RBMS3: variants seen among roughly 807,000 people sequenced by gnomAD.
The protein encoded by RBMS3 is RNA-binding motif, single-stranded-interacting protein 3.
Under a neutral mutation model 66.8 loss-of-function variants are expected in RBMS3, and 27 were observed. The ratio of observed to expected loss-of-function variants is 0.40; its 90% confidence interval spans 0.30 to 0.56. The LOEUF is 0.56. Ranked by LOEUF, RBMS3 falls within the 20% of genes least tolerant of loss-of-function variation. The probability of loss-of-function intolerance (pLI) is 0.40; values close to 1 mark genes in which losing one functional copy is unlikely to be tolerated. For missense variants in RBMS3, 513 were observed against 549.5 expected (o/e 0.93, Z 0.66); for synonymous variants, 188 against 183.0 (o/e 1.03, Z -0.22).
intron 7 of RBMS3, among the ~76,000 whole-genome samples, chr3:29,872,200 T>G (rs1006559008): frequency 2.6e-5 from 4 of 152,074 alleles, no homozygotes; most frequent in Non-Finnish European, 1.5e-5. Context: ...CTCTTAAAAA[T>G]TATTACTTAC....
chr3:29,568,086 T>G (rs1175760854), intron 3 of RBMS3, among the ~76,000 whole-genome samples: 1 of 152,196 alleles, frequency 6.6e-6, no homozygotes, highest in South Asian at 2.1e-4. Flanking sequence ...CATAAAATGT[T>G]CACTGGAATT....
At chr3:29,811,970 G>C (rs1559697061) in intron 6 of RBMS3, among the ~76,000 whole-genome samples, 2 of 151,978 alleles carry the variant, frequency 1.3e-5, no homozygotes, top group African/African-American at 2.4e-5. Context: ...CCCAGATTTG[G>C]GCTCTACATG....
intron 10 of RBMS3, among the ~76,000 whole-genome samples, chr3:29,910,748 T>A (rs1559791939): frequency 6.9e-6 from 1 of 145,418 alleles, no homozygotes; most frequent in African/African-American, 2.5e-5. Flanking sequence ...GGAAAAACTA[T>A]ACATATACAT....
At chr3:29,965,125 G>A (rs151066300) in intron 12 of RBMS3, among the ~76,000 whole-genome samples, 1 of 152,196 alleles carries the variant, frequency 6.6e-6, no homozygotes, top group East Asian at 1.9e-4. Context: ...GTTGATTGAT[G>A]GGCATTTGGG....
chr3:29,718,262 A>G, intron 4 of RBMS3, among the ~76,000 whole-genome samples: 1 of 152,098 alleles, frequency 6.6e-6, no homozygotes, highest in East Asian at 1.9e-4. Flanking sequence ...CTTTCTCCAT[A>G]CATTCAAGTC....
chr3:29,841,981 C>CT (rs2058673439), intron 6 of RBMS3, among the ~76,000 whole-genome samples: 1 of 152,012 alleles, frequency 6.6e-6, no homozygotes, highest in Admixed American at 6.6e-5. Flanking sequence ...CACTTAGTGT[C>CT]TTTTCTTATT....
chr3:29,683,450 G>A (rs994248922), intron 4 of RBMS3, among the ~76,000 whole-genome samples: 2 of 152,144 alleles, frequency 1.3e-5, no homozygotes, highest in African/African-American at 4.8e-5. Context: ...GAATAAAGGG[G>A]AGGAGGGAAG....
chr3:29,439,876 A>G (rs1321370346), intron 2 of RBMS3, among the ~76,000 whole-genome samples: 1 of 152,176 alleles, frequency 6.6e-6, no homozygotes, highest in Non-Finnish European at 1.5e-5. Context: ...GATTATACAG[A>G]TTTACTCATG....
At chr3:29,464,253 C>A (rs1415186787) in intron 2 of RBMS3, among the ~76,000 whole-genome samples, 4 of 152,146 alleles carry the variant, frequency 2.6e-5, no homozygotes, top group Non-Finnish European at 5.9e-5. Context: ...AGGTAGGAGG[C>A]AAGGCCCTTC....
intron 4 of RBMS3, among the ~76,000 whole-genome samples, chr3:29,622,785 T>A (rs2048911789): frequency 6.6e-6 from 1 of 152,140 alleles, no homozygotes; most frequent in Non-Finnish European, 1.5e-5. Flanking sequence ...GTAACTTTAT[T>A]TCCTTGTGCC....
Position 30,004,055 on chromosome 3 carries a change from G to A in RBMS3, c.*193G>A, listed in dbSNP as rs907642694. ...GTGCTGTGCAAATGGTCTTCATGTG[G>A]TCTGACAATTTATTTTTGCCATCAT... On this transcript the variant is annotated 3_prime_UTR_variant, in exon 15 of 15. Transcript: ENST00000383767. The A allele has an allele frequency of 7.5e-5, 29 of 387,014 alleles. No individual in the cohort carries two copies. Among genetic ancestry groups the A allele is most frequent in the South Asian group, 1.4e-4 (1 of 7,234 alleles). The allele number at this position is 387,014 out of a possible 1,614,324, so 24.0% of individuals were successfully genotyped here. A position where few individuals can be genotyped will look rare whatever the true frequency, so the allele number is the denominator to read the frequency against.
At chr3:29,717,550 A>G (rs920390482) in intron 4 of RBMS3, among the ~76,000 whole-genome samples, 3 of 152,146 alleles carry the variant, frequency 2.0e-5, no homozygotes, top group South Asian at 2.1e-4. Context: ...CTTTATATCT[A>G]TATGAATTGG....
At chr3:29,455,192 G>A (rs2042144643) in intron 2 of RBMS3, among the ~76,000 whole-genome samples, 1 of 152,002 alleles carries the variant, frequency 6.6e-6, no homozygotes, top group African/African-American at 2.4e-5. Flanking sequence ...CCTATATCTC[G>A]ATCATCACAG....
intron 4 of RBMS3, among the ~76,000 whole-genome samples, chr3:29,715,273 G>T (rs1420869290): frequency 1.3e-5 from 2 of 152,138 alleles, no homozygotes; most frequent in Non-Finnish European, 2.9e-5. Flanking sequence ...ACAAATGTCT[G>T]TACCTAATTT....
At chr3:29,715,719 T>C (rs1576599684) in intron 4 of RBMS3, among the ~76,000 whole-genome samples, 1 of 152,160 alleles carries the variant, frequency 6.6e-6, no homozygotes, top group African/African-American at 2.4e-5. Context: ...CCAATCTCAA[T>C]GTCAGAGGTA....
intron 1 of RBMS3, among the ~76,000 whole-genome samples, chr3:29,318,029 T>A (rs1327993714): frequency 3.9e-5 from 6 of 151,950 alleles, no homozygotes; most frequent in Admixed American, 1.3e-4. Context: ...ACATACAAGA[T>A]AATAATAGGA....
chr3:29,678,572 C>T (rs918742237), intron 4 of RBMS3, among the ~76,000 whole-genome samples: 6 of 152,058 alleles, frequency 3.9e-5, no homozygotes, highest in African/African-American at 1.4e-4. Context: ...AAAACAGGGT[C>T]GGACATCTTT....
chr3:29,311,758 G>A (rs1374575628), intron 1 of RBMS3, among the ~76,000 whole-genome samples: 1 of 151,786 alleles, frequency 6.6e-6, no homozygotes, highest in Non-Finnish European at 1.5e-5. Context: ...CGGAAGAGAA[G>A]ATTAGGGGGA....
At chr3:29,633,383 A>C (rs779992653) in intron 4 of RBMS3, among the ~76,000 whole-genome samples, 3 of 151,912 alleles carry the variant, frequency 2.0e-5, no homozygotes, top group Non-Finnish European at 4.4e-5. Context: ...AAAGAGCACC[A>C]TGAGATATAA....
Sources: allele counts gnomAD v4.1 joint callset (sites outside exome capture counted in the v4.1 genomes callset), GRCh38; gene constraint gnomAD v4.1.1; transcripts MANE v1.5; gene names NCBI Gene and HGNC (gene_info 2026-07-23, HGNC 2026-07-21).